TMEM161A: variants seen among roughly 807,000 people sequenced by gnomAD.
TMEM161A encodes transmembrane protein 161A.
Under a neutral mutation model 57.1 loss-of-function variants are expected in TMEM161A, and 46 were observed. The ratio of observed to expected loss-of-function variants is 0.81; its 90% CI spans 0.64 to 1.03. The LOEUF (loss-of-function observed/expected upper bound fraction) is 1.03, where lower values mean the gene tolerates loss of function less well. TMEM161A is among the 50% of genes least tolerant of loss of function. TMEM161A has a pLI of 0.00. For synonymous variants in TMEM161A, 288 were observed against 279.0 expected (o/e 1.03, Z -0.32); for missense variants, 601 against 621.5 (o/e 0.97, Z 0.35).
Position 19,132,287 on chromosome 19 carries a change from G to T in TMEM161A, c.443+65C>A, listed in dbSNP as rs2059962644. The stretch of plus-strand genomic sequence containing the variant: ...TGAAAACTGCCACACCAGTTTAGGG[G>T]AGCCAGGGAAGCTCAGGTCCTGCTC... On this transcript the variant is annotated intron_variant, in intron 5 of 11. Coordinates refer to ENST00000162044, the MANE Select transcript of TMEM161A (RefSeq NM_017814.3). The surrounding 1 kb of genome is among the most constrained non-coding windows in gnomAD (Gnocchi z 4.3). 7 of 1,539,358 alleles carry T rather than the reference G, an allele frequency of 4.5e-6. No individual in the cohort carries two copies. Among genetic ancestry groups the T allele is most frequent in the Admixed American group, 2.0e-5 (1 of 49,160 alleles).
At position 19,132,879 on chromosome 19, in the gene TMEM161A, C is replaced by G. The variant is rs986118555; in HGVS notation, c.189-125G>C. ...TCCACAACCTTGGCTCCTCTGCACA[C>G]TGGGATATGGGGATCCCCCCACCCA... On this transcript the variant is annotated intron_variant, in intron 3 of 11. Coordinates refer to ENST00000162044, the MANE Select transcript of TMEM161A (RefSeq NM_017814.3). This position sits in a 1 kb window ranked among gnomAD's most constrained non-coding sequence, Gnocchi z 4.3. The G allele has an allele frequency of 1.9e-5, 16 of 845,788 alleles. No individual in the cohort carries two copies. Among genetic ancestry groups the G allele is most frequent in the Admixed American group, 1.8e-4 (6 of 33,340 alleles). The allele number at this position is 845,788 out of a possible 1,614,324, so 52.4% of individuals were successfully genotyped here.
intron 6 of TMEM161A, among the ~76,000 whole-genome samples, chr19:19,123,086 G>C (rs924269963): frequency 6.6e-5 from 10 of 152,200 alleles, no homozygotes; most frequent in African/African-American, 2.4e-4. Context: ...AACAGCCAAA[G>C]GAGGAAGTGA....
intron 6 of TMEM161A, among the ~76,000 whole-genome samples, chr19:19,127,843 G>T (rs1455781287): frequency 6.6e-6 from 1 of 152,120 alleles, no homozygotes; most frequent in Admixed American, 6.6e-5. Flanking sequence ...GGAAGGCTGA[G>T]GTGGGAGGAT....
At position 19,130,021 on chromosome 19, in the gene TMEM161A, A is replaced by G. The variant is rs922560749; in HGVS notation, c.595+135T>C. 1.4e-5 allele frequency: 13 copies of G among 952,190 alleles called. No individual in the cohort carries two copies. In the East Asian group the frequency reaches 3.4e-4, roughly 25 times the overall value. The allele number at this position is 952,190 out of a possible 1,614,324, so 59.0% of individuals were successfully genotyped here. A position where few individuals can be genotyped will look rare whatever the true frequency, so the allele number is the denominator to read the frequency against. ...AGGTTCAGGAGCTGAGATGGTCACT[A>G]ATGGGGACTGCCTTCACCCCAGGAG... is the stretch of plus-strand genomic sequence containing the variant. On this transcript the variant is annotated intron_variant, in intron 6 of 11. Transcript: ENST00000162044.
rs1184777225 is a variant in TMEM161A, at chr19:19,130,158, G to A, written c.593C>T (p.Pro198Leu). 3.1e-6 allele frequency: 5 copies of A among 1,613,162 alleles called. No homozygotes were observed. The highest frequency in any genetic ancestry group is 4.2e-6 in the Non-Finnish European group (5 of 1,180,030). ...CCCACGTTGGGGGCTGCACTTACCA[G>A]GCTCCAGGCCCAGCTCGAGGGTCTC... Reference protein sequence around the residue: ...REETLELGLEPGLASMTQNLE... With the variant: ...REETLELGLELGLASMTQNLE... The change falls in exon 6 of 12, where the codon CCT becomes CTT. Residue 198 changes from proline (P) to leucine (L), a missense_variant and splice_region_variant. Physicochemically the swap from Pro to Leu is moderately conservative, Grantham distance 98. Coordinates refer to ENST00000162044, the MANE Select transcript of TMEM161A (RefSeq NM_017814.3).
At chr19:19,120,314 A>G (rs893918147) in intron 11 of TMEM161A, 131 bp from the exon 12 acceptor site, 6 of 824,496 alleles carry the variant, frequency 7.3e-6, no homozygotes, top group African/African-American at 1.7e-5. Context: ...TCTCCAGCCC[A>G]GTCTCCACCC....
At position 19,130,315 on chromosome 19, in the gene TMEM161A, C is replaced by G. The variant is rs1334024209; in HGVS notation, c.444-8G>C. On this transcript the variant is annotated splice_polypyrimidine_tract_variant and splice_region_variant and intron_variant, in intron 5 of 11. Transcript: ENST00000162044. Reference sequence around the variant, plus strand: ...ACTGTCAGGAACATCTTGCTGGAGGCTGGAGCTAAGGAGGCCTCAGGTGCC... The same window carrying G: ...ACTGTCAGGAACATCTTGCTGGAGGGTGGAGCTAAGGAGGCCTCAGGTGCC... The G allele has an allele frequency of 6.2e-7, 1 of 1,612,402 alleles. No individual in the cohort carries two copies. Among genetic ancestry groups the G allele is most frequent in the Non-Finnish European group, 8.5e-7 (1 of 1,180,002 alleles).
At chr19:19,131,443 C>G (rs1386001802) in intron 5 of TMEM161A, among the ~76,000 whole-genome samples, 1 of 151,828 alleles carries the variant, frequency 6.6e-6, no homozygotes, top group East Asian at 1.9e-4. Context: ...AAGATCCTGT[C>G]TCAACAACAA....
chr19:19,130,954 C>T lies in TMEM161A; in HGVS notation c.444-647G>A, dbSNP rs181753571. ...CAACAACAGGCCAGGCGCAGTGGCT[C>T]ATGCCTGTAATCCCAGCACTTTGGG... On this transcript the variant is annotated intron_variant, in intron 5 of 11. Coordinates refer to ENST00000162044, the MANE Select transcript of TMEM161A (RefSeq NM_017814.3). Among the ~76,000 whole-genome samples, 47 of 152,114 alleles carry T rather than the reference C, an allele frequency of 3.1e-4. No homozygotes were observed. In the East Asian group the frequency reaches 9.1e-3, roughly 30 times the overall value.
chr19:19,127,783 AT>A (rs1387166649), intron 6 of TMEM161A, among the ~76,000 whole-genome samples: 2 of 142,692 alleles, frequency 1.4e-5, no homozygotes, highest in South Asian at 2.2e-4. Flanking sequence ...AAAAAAAAAA[AT>A]TAAAAATTAG....
chr19:19,121,233 G>C lies in TMEM161A; in HGVS notation c.915-67C>G. 1 of 1,551,054 alleles carries C rather than the reference G, an allele frequency of 6.4e-7. No homozygotes were observed. Among genetic ancestry groups the C allele is most frequent in the Non-Finnish European group, 8.7e-7 (1 of 1,146,734 alleles). On this transcript the variant is annotated intron_variant, in intron 9 of 11. Coordinates refer to ENST00000162044, the MANE Select transcript of TMEM161A (RefSeq NM_017814.3). This position sits in a 1 kb window ranked among gnomAD's most constrained non-coding sequence, Gnocchi z 5.8. ...CCCCGACCCCCCAGGATCTTCCCCA[G>C]GCTCCTCCCTGAATCTCAGAGGCTA...
At chr19:19,133,558 ACTTCCCCGGTTCAAGTGATT>A (rs1599710908) in intron 2 of TMEM161A, among the ~76,000 whole-genome samples, 1 of 152,062 alleles carries the variant, frequency 6.6e-6, no homozygotes, top group East Asian at 1.9e-4. Flanking sequence ...TGCAACCTCC[ACTTCCCCGGTTCAAGTGATT>A]CTCCTGCCTC....
In TMEM161A at chr19:19,120,083, C is replaced by G; in HGVS notation, c.1287G>C (p.Gln429His). Residue 429 changes from glutamine to histidine, a missense_variant, in exon 12 of 12, where the codon CAG (glutamine) becomes CAC (histidine). By Grantham distance (24) the Gln-to-His change is conservative. Transcript: ENST00000162044. ...GAGCCCCGGCAATCCGCGCTGCAGT[C>G]TGCTGGACTTCGTCCTCCCCAGAGC... The part of the protein sequence containing the change: ...PIGSGEDEVQ[Q>H]TAARIAGALG... The G allele has an allele frequency of 6.3e-7, 1 of 1,588,350 alleles. No individual in the cohort carries two copies.
rs762739467 is a variant in TMEM161A at position 19,132,721 on chromosome 19, C to T, written c.222G>A (p.Leu74=). 6.4e-7 allele frequency: 1 copy of T among 1,574,172 alleles called. No homozygotes were observed. The highest frequency in any genetic ancestry group is 1.2e-5 in the South Asian group (1 of 84,410). Reference sequence around the variant, plus strand: ...GGAACGGGGCATCTCGGGGCACAGACAGTGGCTTCTCCTCACTAAGGCCAT... The same window carrying T: ...GGAACGGGGCATCTCGGGGCACAGATAGTGGCTTCTCCTCACTAAGGCCAT... ...WANGLSEEKP[L]SVPRDAPFQL... is the part of the protein sequence containing the mutation. The change falls in exon 4 of 12, where the codon CTG becomes CTA. Residue 74 remains leucine, a synonymous_variant. Transcript: ENST00000162044. The surrounding 1 kb of genome is among the most constrained non-coding windows in gnomAD (Gnocchi z 4.3).
Position 19,121,417 on chromosome 19 carries a change from G to A in TMEM161A, c.805C>T (p.Leu269Phe). The A allele has an allele frequency of 6.2e-7, 1 of 1,613,848 alleles. No individual in the cohort carries two copies. Among genetic ancestry groups the A allele is most frequent in the Non-Finnish European group, 8.5e-7 (1 of 1,179,818 alleles). ...GGAGACAGGAAGCTGGTGTGCAGGA[G>A]GAACCTGGGGGGTGAGGGCAGGAGG... is the stretch of plus-strand genomic sequence containing the variant. ...MSEDRPMLQF[L>F]LHTSFLSPLF... Residue 269 changes from leucine (L) to phenylalanine (F), a missense_variant, in exon 9 of 12, where the codon CTC becomes TTC. Coordinates refer to ENST00000162044, the MANE Select transcript of TMEM161A (RefSeq NM_017814.3). The surrounding 1 kb of genome is among the most constrained non-coding windows in gnomAD (Gnocchi z 5.8).
Position 19,120,973 on chromosome 19 carries a change from G to A in TMEM161A, c.1089+19C>T, listed in dbSNP as rs376903574. On this transcript the variant is annotated intron_variant, in intron 10 of 11. Coordinates refer to ENST00000162044, the MANE Select transcript of TMEM161A (RefSeq NM_017814.3). ...GAGCCCCAGGTTCCCTCTGGCCTAGGTCATCGGGGCGTCCATACCCTCTGC... is the reference window on the plus strand; with the variant it reads ...GAGCCCCAGGTTCCCTCTGGCCTAGATCATCGGGGCGTCCATACCCTCTGC... 7 of 1,607,250 alleles carry A rather than the reference G, an allele frequency of 4.4e-6. No individual in the cohort carries two copies. Among genetic ancestry groups the A allele is most frequent in the Non-Finnish European group, 6.0e-6 (7 of 1,176,250 alleles).
chr19:19,133,163 G>C lies in TMEM161A; in HGVS notation c.155C>G (p.Ala52Gly), dbSNP rs773850257. ...HPSEEELRAL[A>G]GKPRPRGRKE... is the part of the protein sequence containing the mutation. Reference sequence around the variant, plus strand: ...CCTGCCTCTGGGCCTCGGCTTCCCCGCCAGGGCCCGAAGCTCCTCCTCAGA... The same window carrying C: ...CCTGCCTCTGGGCCTCGGCTTCCCCCCCAGGGCCCGAAGCTCCTCCTCAGA... The change falls in exon 3 of 12, where the codon GCG becomes GGG. Residue 52 changes from alanine (A) to glycine (G), a missense_variant. Coordinates refer to ENST00000162044, the MANE Select transcript of TMEM161A (RefSeq NM_017814.3). 1 of 1,614,124 alleles carries C rather than the reference G, an allele frequency of 6.2e-7. No homozygotes were observed. Among genetic ancestry groups the C allele is most frequent in the Non-Finnish European group, 8.5e-7 (1 of 1,179,996 alleles).
Position 19,132,860 on chromosome 19 carries a change from A to C in TMEM161A, c.189-106T>G. The C allele has an allele frequency of 1.0e-6, 1 of 972,654 alleles. No individual in the cohort carries two copies. The highest frequency in any genetic ancestry group is 1.5e-6 in the Non-Finnish European group (1 of 665,978). The allele number at this position is 972,654 out of a possible 1,614,324, so 60.3% of individuals were successfully genotyped here. ...GGCCTGGAGACCATCTCTTTCCACA[A>C]CCTTGGCTCCTCTGCACACTGGGAT... On this transcript the variant is annotated intron_variant, in intron 3 of 11. Transcript: ENST00000162044. This position sits in a 1 kb window ranked among gnomAD's most constrained non-coding sequence, Gnocchi z 4.3.
intron 2 of TMEM161A, 120 bp downstream of exon 2, chr19:19,134,664 G>A (rs1306587532): frequency 8.9e-6 from 6 of 674,210 alleles, no homozygotes; most frequent in South Asian, 1.8e-5. Context: ...CCTCAACAAC[G>A]TTTTTCCCCC....
Sources: gnomAD v4.1 joint callset for allele counts (sites outside exome capture counted in the v4.1 genomes callset) on GRCh38, gnomAD v4.1.1 for gene constraint, Gnocchi (gnomAD v3.1) non-coding constraint, MANE v1.5 for transcripts, NCBI Gene and HGNC (gene_info 2026-07-23, HGNC 2026-07-21) for gene names.